The following RP1 variants were observed in gnomAD, a reference collection of about 807,000 sequenced individuals.
The protein encoded by RP1 is oxygen-regulated protein 1.
In RP1, 16 loss-of-function variants were observed where a neutral mutation model predicts 14.8. That is an observed-to-expected ratio of 1.08 (90% CI 0.73 to 1.65). RP1 has a LOEUF of 1.65. Among genes scored for constraint, RP1 ranks in the 40% most tolerant of loss-of-function variants. RP1 has a pLI of 0.00. For missense variants in RP1, 2,631 were observed against 2,535.0 expected (o/e 1.04, Z -0.81); for synonymous variants, 876 against 883.6 (o/e 0.99, Z 0.15).
rs1318849499 is a variant in RP1 at position 54,630,475 on chromosome 8, T to C, written c.*122T>C. ...CCACTTCTTCAAAATGAACTTACTC[T>C]AGAAAGCTTACCCTTGGATAACCAG... On this transcript the variant is annotated 3_prime_UTR_variant, in exon 4 of 4. Transcript: ENST00000220676. The C allele has an allele frequency of 9.9e-6, 15 of 1,509,568 alleles. No homozygotes were observed. In the East Asian group the frequency reaches 3.7e-4, roughly 37 times the overall value. The allele number at this position is 1,509,568 out of a possible 1,614,324, so 93.5% of individuals were successfully genotyped here.
chr8:54,778,934 T>C (rs541803540), intron 23 of RP1, among the ~76,000 whole-genome samples: 1 of 152,188 alleles, frequency 6.6e-6, no homozygotes, highest in South Asian at 2.1e-4. Flanking sequence ...ATGGATGTAA[T>C]GATAGAGAAA....
chr8:54,741,740 T>C (rs1178745895), intron 19 of RP1, among the ~76,000 whole-genome samples: 3 of 140,188 alleles, frequency 2.1e-5, no homozygotes, highest in Non-Finnish European at 3.1e-5. Context: ...TATATATATA[T>C]ATATATATAT....
At chr8:54,604,112 T>C (rs1208059440) in intron 1 of RP1, among the ~76,000 whole-genome samples, 2 of 152,210 alleles carry the variant, frequency 1.3e-5, no homozygotes, top group East Asian at 3.9e-4. Flanking sequence ...CCCTGTCTTG[T>C]GCCAGTTTTC....
chr8:54,718,526 A>G (rs1808460875), intron 15 of RP1, among the ~76,000 whole-genome samples: 1 of 152,208 alleles, frequency 6.6e-6, no homozygotes, highest in Non-Finnish European at 1.5e-5. Flanking sequence ...CCTACAAACG[A>G]ATCTAGACCC....
intron 19 of RP1, among the ~76,000 whole-genome samples, chr8:54,746,409 A>T (rs1382514189): frequency 2.0e-5 from 3 of 152,120 alleles, no homozygotes; most frequent in African/African-American, 4.8e-5. Flanking sequence ...TGAAGGTCTG[A>T]CTTGCTATTT....
At chr8:54,749,244 T>G (rs1408110222) in intron 19 of RP1, among the ~76,000 whole-genome samples, 2 of 151,512 alleles carry the variant, frequency 1.3e-5, no homozygotes, top group African/African-American at 4.9e-5. Flanking sequence ...GGCAGGAGAA[T>G]GGTGTGAACA....
Position 54,625,251 on chromosome 8 carries a change from G to A in RP1, c.1369G>A (p.Val457Met). 1 of 1,614,148 alleles carries A rather than the reference G, an allele frequency of 6.2e-7. No individual in the cohort carries two copies. The highest frequency in any genetic ancestry group is 1.3e-5 in the African/African-American group (1 of 75,050). ...GCCCCCTACACCTGGACTAAGAAGA[G>A]TGAGACAAAAGAAATCTGTGATTGG... The part of the protein sequence containing the change: ...YRPPTPGLRR[V>M]RQKKSVIGSV... The change falls in exon 4 of 4, where the codon GTG becomes ATG. Residue 457 changes from valine to methionine, a missense_variant. Physicochemically the swap from Val to Met is conservative, Grantham distance 21 (BLOSUM62 1). Coordinates refer to ENST00000220676, the MANE Select transcript of RP1 (RefSeq NM_006269.2).
intron 12 of RP1, among the ~76,000 whole-genome samples, chr8:54,686,407 C>G (rs927169179): frequency 1.3e-5 from 2 of 151,034 alleles, no homozygotes; most frequent in African/African-American, 4.9e-5. Context: ...TTTTTGCCAC[C>G]ATGAACCAAT....
In RP1 at chr8:54,626,896, A is replaced by G. The variant is rs770785606; in HGVS notation, c.3014A>G (p.His1005Arg). 3.7e-6 allele frequency: 6 copies of G among 1,613,856 alleles called. No individual in the cohort carries two copies. The highest frequency in any genetic ancestry group is 1.1e-5 in the South Asian group (1 of 91,082). The change falls in exon 4 of 4, where the codon CAT (histidine) becomes CGT (arginine). Residue 1005 changes from histidine (H) to arginine (R), a missense_variant. His to Arg is a conservative substitution (Grantham distance 29). Coordinates refer to ENST00000220676, the MANE Select transcript of RP1 (RefSeq NM_006269.2). The stretch of plus-strand genomic sequence containing the variant: ...AATGACACTGGTGAAGAAGATCTCC[A>G]TGAGACACAGGTTGGATCTCTGAAT... ...IANDTGEEDL[H>R]ETQVGSLNDA...
intron 24 of RP1, among the ~76,000 whole-genome samples, chr8:54,804,143 T>TG (rs3077303): frequency 0.011 from 1,663 of 149,936 alleles, 50 homozygotes; most frequent in Admixed American, 0.066. Context: ...ATTACATATG[T>TG]GGGGGGGGGC....
intron 3 of RP1, among the ~76,000 whole-genome samples, chr8:54,622,982 T>A (rs1805923365): frequency 6.6e-6 from 1 of 152,198 alleles, no homozygotes; most frequent in Non-Finnish European, 1.5e-5. Flanking sequence ...GAAGACAAGC[T>A]CTTTGCTAGA....
In RP1 at chr8:54,806,155, A is replaced by T. The variant is rs556911123; in HGVS notation, c.3615+22445A>T. On this transcript the variant is annotated intron_variant, in intron 24 of 28. Coordinates refer to the RP1 transcript ENST00000637698. ...TGCCTCAGCCTCCTGAGTAGCTGAG[A>T]TTACAAGCGCCTGCCACCATGCCCA... Among the ~76,000 whole-genome samples the T allele has an allele frequency of 1.3e-4, 20 of 152,222 alleles. No individual in the cohort carries two copies. The South Asian group carries it at 3.7e-3, about 28-fold the overall frequency.
chr8:54,824,127 TTG>T (rs1430816314), intron 24 of RP1, among the ~76,000 whole-genome samples: 1 of 134,720 alleles, frequency 7.4e-6, no homozygotes, highest in Non-Finnish European at 1.7e-5. Context: ...ATTGGATTGT[TTG>T]TGTGTTTTTT....
chr8:54,633,737 C>CTATATATATATATA (rs59614361), downstream of RP1, among the ~76,000 whole-genome samples: 6 of 118,806 alleles, frequency 5.1e-5, no homozygotes, highest in African/African-American at 2.0e-4. Context: ...CTCTCTCTCT[C>CTATATATATATATA]TATATATATA....
chr8:54,863,304 G>C (rs1374705485), intron 27 of RP1, among the ~76,000 whole-genome samples: 1 of 152,072 alleles, frequency 6.6e-6, no homozygotes, highest in Non-Finnish European at 1.5e-5. Context: ...CGCTGAACAG[G>C]TTATAGCCTA....
intron 16 of RP1, among the ~76,000 whole-genome samples, chr8:54,722,508 G>C (rs1446452410): frequency 6.6e-6 from 1 of 151,972 alleles, no homozygotes; most frequent in Non-Finnish European, 1.5e-5. Flanking sequence ...CTGACCTCGT[G>C]ATCCGCCCGC....
intron 19 of RP1, among the ~76,000 whole-genome samples, chr8:54,742,531 T>C (rs903960900): frequency 6.6e-5 from 10 of 152,206 alleles, no homozygotes; most frequent in African/African-American, 2.4e-4. Context: ...TCAAGAAATA[T>C]CTACTTAGCA....
At position 54,629,525 on chromosome 8, in the gene RP1, C is replaced by T; in HGVS notation, c.5643C>T (p.Val1881=). The T allele has an allele frequency of 6.2e-7, 1 of 1,614,076 alleles. No homozygotes were observed. The highest frequency in any genetic ancestry group is 8.5e-7 in the Non-Finnish European group (1 of 1,179,990). The part of the protein sequence containing the change: ...FISAGNKVYP[V]SDDAIKNQPL... ...CTGCTGGTAACAAAGTCTACCCTGTCTCTGATGATGCTATTAAAAACCAAC... is the reference window on the plus strand; with the variant it reads ...CTGCTGGTAACAAAGTCTACCCTGTTTCTGATGATGCTATTAAAAACCAAC... The change falls in exon 4 of 4, where the codon GTC becomes GTT. Residue 1881 remains valine (V), a synonymous_variant. Transcript: ENST00000220676.
chr8:54,837,800 T>C (rs1811698699), intron 25 of RP1: 1 of 461,904 alleles, frequency 2.2e-6, no homozygotes, highest in Non-Finnish European at 3.5e-6. Context: ...GGCTATAAAG[T>C]CTCTGCCAAA....
Sources: gnomAD v4.1 joint callset for allele counts (sites outside exome capture counted in the v4.1 genomes callset) on GRCh38, gnomAD v4.1.1 for gene constraint, MANE v1.5 for transcripts, NCBI Gene and HGNC (gene_info 2026-07-23, HGNC 2026-07-21) for gene names.